Variants in SMIM35 observed in about 807,000 individuals in gnomAD.
The protein encoded by SMIM35 is TMPRSS4 antisense RNA 1 (non-protein coding).
intron 1 of SMIM35, among the ~76,000 whole-genome samples, chr11:118,070,492 AT>A (rs974779901): frequency 6.6e-5 from 10 of 152,180 alleles, no homozygotes; most frequent in Non-Finnish European, 1.5e-4. Flanking sequence ...ACAGATTCTT[AT>A]TAAAAACACT....
chr11:118,036,870 A>C (rs1324365791), intron 1 of SMIM35, among the ~76,000 whole-genome samples: 1 of 152,206 alleles, frequency 6.6e-6, no homozygotes, highest in African/African-American at 2.4e-5. Context: ...GCTGGCTCGA[A>C]TGCTTGGGTT....
At chr11:118,064,208 G>T (rs1013200861) in intron 1 of SMIM35, among the ~76,000 whole-genome samples, 2 of 152,226 alleles carry the variant, frequency 1.3e-5, no homozygotes, top group Admixed American at 6.5e-5. Context: ...TTGCGTTGAT[G>T]ATTGTGGCGT....
At chr11:118,063,741 G>A (rs2135126383) in intron 1 of SMIM35, among the ~76,000 whole-genome samples, 1 of 152,276 alleles carries the variant, frequency 6.6e-6, no homozygotes, top group South Asian at 2.1e-4. Flanking sequence ...CTTATGTAAC[G>A]AAGTCTCCAT....
At chr11:118,056,347 A>T (rs1174131766) in intron 1 of SMIM35, among the ~76,000 whole-genome samples, 1 of 152,148 alleles carries the variant, frequency 6.6e-6, no homozygotes, top group African/African-American at 2.4e-5. Context: ...GGGTCAGCAG[A>T]ACTGGGGATC....
chr11:118,073,353 C>A (rs946840398), intron 1 of SMIM35, among the ~76,000 whole-genome samples: 5 of 152,154 alleles, frequency 3.3e-5, no homozygotes, highest in African/African-American at 9.7e-5. Context: ...CATGGTTACG[C>A]AAATCATTAG....
intron 1 of SMIM35, among the ~76,000 whole-genome samples, chr11:118,047,692 A>C (rs550847971): frequency 6.6e-6 from 1 of 152,336 alleles, no homozygotes; most frequent in Non-Finnish European, 1.5e-5. Context: ...ATGGACAGAG[A>C]AGCAAATAAG....
chr11:118,083,054 C>A (rs1483482127), intron 1 of SMIM35, among the ~76,000 whole-genome samples: 1 of 152,206 alleles, frequency 6.6e-6, no homozygotes, highest in African/African-American at 2.4e-5. Flanking sequence ...CCTCCCTCTC[C>A]TCTGCTGCGC....
intron 1 of SMIM35, chr11:118,077,311 T>C: frequency 6.3e-7 from 1 of 1,599,428 alleles, no homozygotes; most frequent in Non-Finnish European, 8.5e-7. Context: ...GCATGGTGAG[T>C]GTGGGGCCCT....
chr11:118,061,918 C>T (rs553552667), intron 1 of SMIM35, among the ~76,000 whole-genome samples: 1 of 152,198 alleles, frequency 6.6e-6, no homozygotes, highest in African/African-American at 2.4e-5. Flanking sequence ...TGCCACCTAC[C>T]ACATGGGGCA....
rs1407664568 is a variant in SMIM35 at position 118,004,292 on chromosome 11, GTC to G, written c.*2116_*2117del. On this transcript the variant is annotated 3_prime_UTR_variant, in exon 5 of 5. Coordinates refer to ENST00000689828, the MANE Select transcript of SMIM35 (RefSeq NM_001394165.1). Reference sequence around the variant, plus strand: ...GTTCATAAGAGAGGCTTATACAATAGTCTAATCAAATGACAGTATTGAGCAGG... The same window carrying G: ...GTTCATAAGAGAGGCTTATACAATAGTAATCAAATGACAGTATTGAGCAGG... The G allele has an allele frequency of 6.6e-6, 1 of 152,232 alleles. No homozygotes were observed. Among genetic ancestry groups the G allele is most frequent in the African/African-American group, 2.4e-5 (1 of 41,440 alleles). 9.4% of individuals were successfully genotyped at this position (152,232 alleles called of 1,614,324 possible).
At chr11:118,053,256 C>T (rs1484735505) in intron 1 of SMIM35, among the ~76,000 whole-genome samples, 4 of 151,274 alleles carry the variant, frequency 2.6e-5, no homozygotes, top group East Asian at 1.9e-4. Flanking sequence ...TGCAGTGAGC[C>T]GAGATCATGC....
intron 1 of SMIM35, among the ~76,000 whole-genome samples, chr11:118,020,980 G>A (rs1282787427): frequency 2.0e-5 from 3 of 150,700 alleles, no homozygotes; most frequent in African/African-American, 7.3e-5. Context: ...AATTTCCACT[G>A]GGATATCTTC....
intron 4 of SMIM35, among the ~76,000 whole-genome samples, chr11:118,008,538 G>A (rs1222360040): frequency 2.0e-5 from 3 of 152,290 alleles, no homozygotes; most frequent in Non-Finnish European, 4.4e-5. Context: ...GCCTTGTCAC[G>A]GTTTTGATCA....
chr11:118,039,084 A>G (rs652107), intron 1 of SMIM35, among the ~76,000 whole-genome samples: 24,677 of 152,122 alleles, frequency 0.16, 2,109 homozygotes, highest in Middle Eastern at 0.21. Flanking sequence ...CAAGTATTGA[A>G]GCAGTATAAC....
rs1200869505 is a variant in SMIM35, at chr11:118,013,898, A to C, written c.159-18T>G. 2 of 398,928 alleles carry C rather than the reference A, an allele frequency of 5.0e-6. No individual in the cohort carries two copies. Among genetic ancestry groups the C allele is most frequent in the Non-Finnish European group, 8.8e-6 (2 of 226,086 alleles). 24.7% of individuals were successfully genotyped at this position (398,928 alleles called of 1,614,324 possible). On this transcript the variant is annotated intron_variant, in intron 3 of 4. Coordinates refer to ENST00000689828, the MANE Select transcript of SMIM35 (RefSeq NM_001394165.1). ...TCAGGTTCCTGAAAAAGATGATCCA[A>C]TCAGGCTACTGGAGCTGATAACCTA...
At chr11:118,042,400 AACTG>A (rs1199154041) in intron 1 of SMIM35, among the ~76,000 whole-genome samples, 3 of 152,278 alleles carry the variant, frequency 2.0e-5, no homozygotes, top group East Asian at 3.9e-4. Context: ...AAACCACCAA[AACTG>A]ACTCAAGAAG....
At chr11:118,075,675 A>C (rs1565400586) in intron 1 of SMIM35, among the ~76,000 whole-genome samples, 1 of 152,238 alleles carries the variant, frequency 6.6e-6, no homozygotes, top group Non-Finnish European at 1.5e-5. Flanking sequence ...GAAGCACGTT[A>C]TCAACAGAAG....
intron 1 of SMIM35, among the ~76,000 whole-genome samples, chr11:118,046,568 C>G (rs1177744638): frequency 6.6e-6 from 1 of 152,138 alleles, no homozygotes; most frequent in Non-Finnish European, 1.5e-5. Flanking sequence ...TAAGTCTGAG[C>G]CAAGTTGTCC....
At chr11:118,070,238 G>A (rs2135139790) in intron 1 of SMIM35, among the ~76,000 whole-genome samples, 1 of 152,040 alleles carries the variant, frequency 6.6e-6, no homozygotes, top group African/African-American at 2.4e-5. Context: ...GTGCAATGGT[G>A]CGACCTCGGC....
Sources: gnomAD v4.1 joint callset for allele counts (sites outside exome capture counted in the v4.1 genomes callset) on GRCh38, gnomAD v4.1.1 for gene constraint, MANE v1.5 for transcripts, NCBI Gene and HGNC (gene_info 2026-07-23, HGNC 2026-07-21) for gene names.